Variants in EML6 observed in about 807,000 individuals in gnomAD.
The protein encoded by EML6 is EMAP like 6, also known as echinoderm microtubule-associated protein-like 6.
A neutral mutation model predicts 240.1 loss-of-function variants in EML6; 154 were observed. The observed-to-expected ratio is 0.64, with a 90% CI of 0.56 to 0.73. EML6 has a LOEUF of 0.73. EML6 is among the 30% of genes least tolerant of loss of function. The pLI, the probability that EML6 is intolerant of heterozygous loss-of-function variation, is 0.00. For missense variants in EML6, 2,964 were observed against 2,474.6 expected (o/e 1.20, Z -4.20); for synonymous variants, 1,148 against 899.0 (o/e 1.28, Z -4.95).
At chr2:54,902,431 C>A (rs1243806038) in intron 22 of EML6, among the ~76,000 whole-genome samples, 1 of 152,104 alleles carries the variant, frequency 6.6e-6, no homozygotes, top group African/African-American at 2.4e-5. Context: ...ACAGGGTCTC[C>A]CTCTGTCATC....
intron 28 of EML6, among the ~76,000 whole-genome samples, chr2:54,931,970 A>C (rs1180612467): frequency 6.6e-6 from 1 of 152,142 alleles, no homozygotes; most frequent in Non-Finnish European, 1.5e-5. Context: ...AAATTTTAAG[A>C]TATTTGTGGA....
chr2:54,935,850 G>A (rs1675107865), intron 28 of EML6, among the ~76,000 whole-genome samples: 1 of 152,100 alleles, frequency 6.6e-6, no homozygotes, highest in Admixed American at 6.5e-5. Context: ...AACATAAGGA[G>A]GCCCTATCTC....
chr2:54,910,724 A>T (rs1439934212), intron 24 of EML6, among the ~76,000 whole-genome samples: 1 of 152,212 alleles, frequency 6.6e-6, no homozygotes, highest in Admixed American at 6.5e-5. Flanking sequence ...TATTTGAAGG[A>T]TGTTGAAGAT....
At chr2:54,943,702 T>C (rs1483459255) in intron 28 of EML6, among the ~76,000 whole-genome samples, 1 of 152,156 alleles carries the variant, frequency 6.6e-6, no homozygotes, top group Non-Finnish European at 1.5e-5. Context: ...GAGCCACGTG[T>C]ATAAATTTTC....
chr2:54,813,151 A>T, intron 2 of EML6, 81 bp from the exon 3 acceptor site: 1 of 1,020,010 alleles, frequency 9.8e-7, no homozygotes, highest in Non-Finnish European at 1.4e-6. Context: ...TAGATAATTT[A>T]AATGAGAAAC....
intron 2 of EML6, among the ~76,000 whole-genome samples, chr2:54,739,815 T>C (rs1220388012): frequency 6.6e-6 from 1 of 152,220 alleles, no homozygotes; most frequent in Non-Finnish European, 1.5e-5. Context: ...GTGTGGATAA[T>C]GGATTGGAGG....
intron 26 of EML6, 56 bp from the exon 27 acceptor site, chr2:54,928,257 A>T: frequency 7.5e-7 from 1 of 1,331,206 alleles, no homozygotes; most frequent in Non-Finnish European, 1.1e-6. Context: ...TGGATAAACG[A>T]GCCCAGAGAA....
At chr2:54,866,480 T>G (rs1670976948) in intron 13 of EML6, among the ~76,000 whole-genome samples, 1 of 152,206 alleles carries the variant, frequency 6.6e-6, no homozygotes, top group African/African-American at 2.4e-5. Context: ...AACTATTTTA[T>G]TTATATTTTA....
chr2:54,864,518 C>G (rs372635522), intron 13 of EML6, among the ~76,000 whole-genome samples: 9 of 152,218 alleles, frequency 5.9e-5, no homozygotes, highest in African/African-American at 2.2e-4. Context: ...TGAACACATA[C>G]CACCTTGTTA....
chr2:54,873,303 A>G (rs1671349174), intron 16 of EML6, among the ~76,000 whole-genome samples: 1 of 152,220 alleles, frequency 6.6e-6, no homozygotes, highest in Admixed American at 6.5e-5. Flanking sequence ...TGATTATCAA[A>G]TTGGTAAAAA....
intron 17 of EML6, chr2:54,880,117 C>A (rs544903348): frequency 6.5e-6 from 1 of 153,914 alleles, no homozygotes; most frequent in Admixed American, 6.5e-5. Context: ...TTTCCCTAAT[C>A]TTCCGTCTTA....
At chr2:54,761,538 A>G (rs1355314371) in intron 2 of EML6, among the ~76,000 whole-genome samples, 2 of 152,192 alleles carry the variant, frequency 1.3e-5, no homozygotes, top group Admixed American at 6.5e-5. Context: ...AAAAATCACA[A>G]AGGCATAAAA....
At chr2:54,862,339 A>G (rs894775456) in intron 12 of EML6, among the ~76,000 whole-genome samples, 2 of 36,448 alleles carry the variant, frequency 5.5e-5, no homozygotes, top group Non-Finnish European at 8.3e-5. Context: ...CTCCATCTCT[A>G]AAAAAAAAAA....
chr2:54,840,240 G>A (rs1464920056), intron 7 of EML6, among the ~76,000 whole-genome samples: 1 of 152,226 alleles, frequency 6.6e-6, no homozygotes, highest in African/African-American at 2.4e-5. Context: ...GTGTGTTCAT[G>A]CTTACAGTGA....
intron 4 of EML6, 50 bp from the exon 5 acceptor site, chr2:54,820,344 G>T (rs1425653057): frequency 3.1e-6 from 4 of 1,303,972 alleles, no homozygotes; most frequent in Non-Finnish European, 4.3e-6. Flanking sequence ...TTGGGAAAAG[G>T]CAAAAATATA....
At chr2:54,816,500 A>T (rs1213756679) in intron 3 of EML6, among the ~76,000 whole-genome samples, 2 of 152,136 alleles carry the variant, frequency 1.3e-5, no homozygotes, top group Non-Finnish European at 2.9e-5. Flanking sequence ...CTGTTTCTGT[A>T]GTTTCTATTG....
rs557263904 is a variant in EML6, at chr2:54,835,325, C to T, written c.847+5848C>T. 1.2e-4 allele frequency among the ~76,000 whole-genome samples: 19 copies of T among 152,306 alleles called. No homozygotes were observed. The South Asian group carries it at 2.5e-3, about 20-fold the overall frequency. ...ACTGATGCCTCCCACCCACTTAGGA[C>T]GTGCCTAGTGTGTGCTGGAGTCCTG... On this transcript the variant is annotated intron_variant, in intron 7 of 41. Coordinates refer to ENST00000356458, the MANE Select transcript of EML6 (RefSeq NM_001039753.4).
rs1183849722 is a variant in EML6, at chr2:54,940,628, C to T, written c.4005-8254C>T. ...GGACCAATTTACTTAGCCTGATTCT[C>T]TTAATATTTAATCTGTCTTCAAGAT... On this transcript the variant is annotated intron_variant, in intron 28 of 41. Coordinates refer to ENST00000356458, the MANE Select transcript of EML6 (RefSeq NM_001039753.4). Among the ~76,000 whole-genome samples, 6 of 152,202 alleles carry T rather than the reference C, an allele frequency of 3.9e-5. No individual in the cohort carries two copies. The East Asian group carries it at 1.2e-3, about 29-fold the overall frequency.
At chr2:54,862,170 C>G (rs920737669) in intron 12 of EML6, among the ~76,000 whole-genome samples, 3 of 151,502 alleles carry the variant, frequency 2.0e-5, no homozygotes, top group African/African-American at 7.3e-5. Flanking sequence ...AACACCCTGT[C>G]TCTACTAAAA....
Sources: gnomAD v4.1 joint callset for allele counts (sites outside exome capture counted in the v4.1 genomes callset) on GRCh38, gnomAD v4.1.1 for gene constraint, MANE v1.5 for transcripts, NCBI Gene and HGNC (gene_info 2026-07-23, HGNC 2026-07-21) for gene names.